Variants in ERG observed in about 807,000 individuals in gnomAD.
ERG encodes ETS transcription factor ERG, also known as transcriptional regulator ERG.
A neutral mutation model predicts 55.3 loss-of-function variants in ERG; 9 were observed. The ratio of observed to expected loss-of-function variants is 0.16; its 90% CI spans 0.10 to 0.28. The LOEUF (loss-of-function observed/expected upper bound fraction) is 0.28. ERG is among the 10% of genes least tolerant of loss of function. The pLI, the probability that ERG is intolerant of heterozygous loss-of-function variation, is 1.00. For synonymous variants in ERG, 223 were observed against 237.3 expected (o/e 0.94, Z 0.55); for missense variants, 434 against 631.6 (o/e 0.69, Z 3.35).
chr21:38,516,749 T>C (rs945546050), intron 2 of ERG, among the ~76,000 whole-genome samples: 5 of 152,050 alleles, frequency 3.3e-5, no homozygotes, highest in Admixed American at 6.6e-5. Flanking sequence ...AAGAGCATGA[T>C]ACTAGTATAA....
chr21:38,653,856 G>A (rs145045675), intron 1 of ERG, among the ~76,000 whole-genome samples: 20 of 152,232 alleles, frequency 1.3e-4, no homozygotes, highest in African/African-American at 4.3e-4. Flanking sequence ...GTATTTTCAC[G>A]TTGCTTAAGA....
At chr21:38,440,297 G>A (rs558024419) in intron 2 of ERG, among the ~76,000 whole-genome samples, 2 of 152,346 alleles carry the variant, frequency 1.3e-5, no homozygotes, top group South Asian at 4.1e-4. Flanking sequence ...GCGTTGAGGA[G>A]CTGCACTCCT....
chr21:38,508,072 C>A (rs1294294064), intron 2 of ERG, among the ~76,000 whole-genome samples: 2 of 30,512 alleles, frequency 6.6e-5, no homozygotes, highest in South Asian at 1.3e-3. Flanking sequence ...TACACACATG[C>A]ACACACATAT....
At chr21:38,519,559 T>C (rs2059578247) in intron 2 of ERG, among the ~76,000 whole-genome samples, 1 of 152,170 alleles carries the variant, frequency 6.6e-6, no homozygotes, top group Non-Finnish European at 1.5e-5. Context: ...CTCATTTGCT[T>C]AACCCAACAG....
intron 1 of ERG, among the ~76,000 whole-genome samples, chr21:38,616,185 C>T (rs530264492): frequency 5.9e-5 from 9 of 152,270 alleles, no homozygotes; most frequent in African/African-American, 1.9e-4. Context: ...CCTGCTTCCC[C>T]TTCCACCATG....
chr21:38,558,675 C>T (rs1043132143), intron 2 of ERG, among the ~76,000 whole-genome samples: 9 of 152,152 alleles, frequency 5.9e-5, no homozygotes, highest in South Asian at 2.1e-4. Flanking sequence ...TTTCCTATCA[C>T]GTATCAATAA....
At chr21:38,522,111 A>G (rs538327065) in intron 2 of ERG, among the ~76,000 whole-genome samples, 6 of 152,198 alleles carry the variant, frequency 3.9e-5, no homozygotes, top group Non-Finnish European at 8.8e-5. Context: ...CTAAAGTAGC[A>G]TCAATAATTT....
chr21:38,461,897 T>C (rs2059046159), intron 1 of ERG, among the ~76,000 whole-genome samples: 1 of 151,942 alleles, frequency 6.6e-6, no homozygotes, highest in Non-Finnish European at 1.5e-5. Flanking sequence ...CTCCGCCTCC[T>C]GGGTTCAAGT....
At chr21:38,600,721 A>T (rs2060159753) in intron 1 of ERG, among the ~76,000 whole-genome samples, 1 of 152,240 alleles carries the variant, frequency 6.6e-6, no homozygotes, top group African/African-American at 2.4e-5. Context: ...TGAATGTAGA[A>T]TTAAACAATT....
chr21:38,639,526 A>T (rs993232100), intron 1 of ERG, among the ~76,000 whole-genome samples: 10 of 152,194 alleles, frequency 6.6e-5, no homozygotes, highest in African/African-American at 2.4e-4. Context: ...ATGGAAGAGA[A>T]AATTCTCAAA....
In ERG at chr21:38,613,060, T is replaced by C. The variant is rs2060237658; in HGVS notation, c.-149-28115A>G. ...CGGGGCCCATTGAAATCCTAACTCT[T>C]CTCCATTTGTTTGCTGATTCTTATC... On this transcript the variant is annotated intron_variant, in intron 1 of 10. Coordinates refer to the ERG transcript ENST00000398910. Among the ~76,000 whole-genome samples, 4 of 152,214 alleles carry C rather than the reference T, an allele frequency of 2.6e-5. No individual in the cohort carries two copies. In the South Asian group the frequency reaches 8.3e-4, roughly 32 times the overall value.
downstream of ERG, among the ~76,000 whole-genome samples, chr21:38,378,486 A>C (rs1254264490): frequency 1.3e-5 from 2 of 152,204 alleles, no homozygotes; most frequent in Non-Finnish European, 2.9e-5. Context: ...TCATTCATGC[A>C]TATAGCTGCA....
chr21:38,640,160 T>C (rs1374315919), intron 1 of ERG, among the ~76,000 whole-genome samples: 6 of 152,172 alleles, frequency 3.9e-5, no homozygotes, highest in East Asian at 1.9e-4. Flanking sequence ...TTGAAAATCA[T>C]TGAAAATCAA....
rs116888517 is a variant in ERG, at chr21:38,497,664, C to T, written c.18+699G>A. On this transcript the variant is annotated intron_variant, in intron 1 of 9. Transcript: ENST00000288319. ...AGGAAATGCATCAGACCAAACACCC[C>T]ACAGCACAGAGAACCGACCGGCCAT... Among the ~76,000 whole-genome samples the T allele has an allele frequency of 3.3e-5, 5 of 152,310 alleles. No homozygotes were observed. In the East Asian group the frequency reaches 9.6e-4, roughly 29 times the overall value.
At chr21:38,532,897 G>A (rs571723897) in intron 2 of ERG, among the ~76,000 whole-genome samples, 17 of 152,294 alleles carry the variant, frequency 1.1e-4, no homozygotes, top group African/African-American at 4.1e-4. Context: ...AAGCTTCCCA[G>A]TGCTGTATCA....
rs192328246 is a variant in ERG at position 38,546,048 on chromosome 21, T to C, written c.-41+29614A>G. On this transcript the variant is annotated intron_variant, in intron 2 of 8. Coordinates refer to the ERG transcript ENST00000398897. ...TTGAGCCTAGAGTCATCTTTAACTC[T>C]TTCCATACCCAGACTCCCAAGACCC... is the stretch of plus-strand genomic sequence containing the variant. 2.2e-3 allele frequency among the ~76,000 whole-genome samples: 330 copies of C among 152,266 alleles called. 3 individuals carry two copies. The highest frequency in any genetic ancestry group is 7.5e-3 in the African/African-American group (312 of 41,544).
intron 2 of ERG, among the ~76,000 whole-genome samples, chr21:38,508,682 G>A (rs1318610608): frequency 6.6e-6 from 1 of 152,158 alleles, no homozygotes; most frequent in African/African-American, 2.4e-5. Flanking sequence ...CTAGACATTT[G>A]CCATACCACC....
At chr21:38,406,938 T>C (rs1185948594) in intron 3 of ERG, among the ~76,000 whole-genome samples, 1 of 152,204 alleles carries the variant, frequency 6.6e-6, no homozygotes, top group Non-Finnish European at 1.5e-5. Flanking sequence ...GACAAAGTCC[T>C]CAACCTGTAT....
chr21:38,632,789 A>G (rs2060364973), intron 1 of ERG, among the ~76,000 whole-genome samples: 1 of 152,220 alleles, frequency 6.6e-6, no homozygotes, highest in African/African-American at 2.4e-5. Context: ...AGACTAATAC[A>G]GTGGGATTGT....
Sources: gnomAD v4.1 joint callset for allele counts (sites outside exome capture counted in the v4.1 genomes callset) on GRCh38, gnomAD v4.1.1 for gene constraint, MANE v1.5 for transcripts, NCBI Gene and HGNC (gene_info 2026-07-23, HGNC 2026-07-21) for gene names.